The following ROR2 variants were observed in gnomAD, a reference collection of about 807,000 sequenced individuals.
ROR2 encodes ROR family WNT receptor 2, also known as tyrosine-protein kinase transmembrane receptor ROR2.
In ROR2, 33 loss-of-function variants were observed where a neutral mutation model predicts 74.9. The ratio of observed to expected loss-of-function variants is 0.44; its 90% confidence interval spans 0.33 to 0.59. The LOEUF (loss-of-function observed/expected upper bound fraction) is 0.59. Ranked by LOEUF, ROR2 falls within the 20% of genes least tolerant of loss-of-function variation. The pLI is 0.02. For synonymous variants in ROR2, 586 were observed against 558.7 expected (o/e 1.05, Z -0.69); for missense variants, 1,216 against 1,313.8 (o/e 0.93, Z 1.15).
chr9:91,768,043 G>A (rs894805239), intron 2 of ROR2, among the ~76,000 whole-genome samples: 8 of 152,188 alleles, frequency 5.3e-5, no homozygotes, highest in Admixed American at 2.6e-4. Flanking sequence ...CGGACCTAGA[G>A]GGAAGAAAGA....
rs1481846800 is a variant in ROR2, at chr9:91,905,572, C to T, written c.97+44295G>A. ...ACAATACAACACATACACAAACATA[C>T]AACACATACACAAACATCACACATG... On this transcript the variant is annotated intron_variant, in intron 1 of 8. Coordinates refer to ENST00000375708, the MANE Select transcript of ROR2 (RefSeq NM_004560.4). This position sits in a 1 kb window ranked among gnomAD's most constrained non-coding sequence, Gnocchi z 5.3. 6.6e-6 allele frequency among the ~76,000 whole-genome samples: 1 copy of T among 151,710 alleles called. No individual in the cohort carries two copies. The highest frequency in any genetic ancestry group is 2.4e-5 in the African/African-American group (1 of 41,156).
intron 1 of ROR2, among the ~76,000 whole-genome samples, chr9:91,822,954 T>C (rs1214333422): frequency 6.6e-6 from 1 of 152,132 alleles, no homozygotes; most frequent in Non-Finnish European, 1.5e-5. Context: ...GTAAGAAACA[T>C]CACCGGAGGG....
At chr9:91,912,840 G>A (rs1182707588) in intron 1 of ROR2, among the ~76,000 whole-genome samples, 1 of 152,084 alleles carries the variant, frequency 6.6e-6, no homozygotes, top group African/African-American at 2.4e-5. Context: ...TACAAAATAG[G>A]CCAGCAGGCC....
rs150894232 is a variant in ROR2, at chr9:91,897,792, C to G, written c.97+52075G>C. On this transcript the variant is annotated intron_variant, in intron 1 of 8. Transcript: ENST00000375708. ...TAAGTGGGATGTCCACACCAAAGTTCCAAAGGCAGCCCAGGCCCGGTCACC... is the reference window on the plus strand; with the variant it reads ...TAAGTGGGATGTCCACACCAAAGTTGCAAAGGCAGCCCAGGCCCGGTCACC... Among the ~76,000 whole-genome samples the G allele has an allele frequency of 9.2e-5, 14 of 152,344 alleles. No homozygotes were observed. The East Asian group carries it at 1.7e-3, about 19-fold the overall frequency.
At chr9:91,906,109 G>C (rs1046230399) in intron 1 of ROR2, among the ~76,000 whole-genome samples, 1 of 152,038 alleles carries the variant, frequency 6.6e-6, no homozygotes, top group African/African-American at 2.4e-5. Flanking sequence ...CCTGAGAGGC[G>C]TCAGCGTCCC....
rs1427317572 is a variant in ROR2, at chr9:91,724,805, T to A, written c.1689A>T (p.Glu563Asp). 3 of 1,609,130 alleles carry A rather than the reference T, an allele frequency of 1.9e-6. No individual in the cohort carries two copies. Among genetic ancestry groups the A allele is most frequent in the Non-Finnish European group, 2.6e-6 (3 of 1,176,186 alleles). Residue 563 changes from glutamate (E) to aspartate (D), a missense_variant, in exon 9 of 9, where the codon GAA becomes GAT. By Grantham distance (45) the Glu-to-Asp change is conservative. Coordinates refer to ENST00000375708, the MANE Select transcript of ROR2 (RefSeq NM_004560.4). ...AGTGCGGCGAGCGCATGACCAGGAATTCGTGGAGGTCGCCGTGCGAACAGT... is the reference window on the plus strand; with the variant it reads ...AGTGCGGCGAGCGCATGACCAGGAAATCGTGGAGGTCGCCGTGCGAACAGT... ...FSYCSHGDLHEFLVMRSPHSD... is the reference protein window; with the variant it reads ...FSYCSHGDLHDFLVMRSPHSD...
chr9:91,880,060 G>C (rs1830064760), intron 1 of ROR2, among the ~76,000 whole-genome samples: 1 of 152,098 alleles, frequency 6.6e-6, no homozygotes, highest in Admixed American at 6.5e-5. Flanking sequence ...ACCTCCCATA[G>C]CTCAGAATGT....
At chr9:91,830,981 G>A (rs1356872861) in intron 1 of ROR2, among the ~76,000 whole-genome samples, 2 of 152,048 alleles carry the variant, frequency 1.3e-5, no homozygotes, top group African/African-American at 4.8e-5. Context: ...AAAATTTGTG[G>A]CTGGGTATGG....
At chr9:91,763,508 A>C (rs568251044) in intron 2 of ROR2, among the ~76,000 whole-genome samples, 3 of 152,296 alleles carry the variant, frequency 2.0e-5, no homozygotes, top group South Asian at 4.1e-4. Flanking sequence ...AATATTTGCC[A>C]ATCTGATAGG....
chr9:91,780,238 A>G (rs537073989), intron 1 of ROR2, among the ~76,000 whole-genome samples: 47 of 152,194 alleles, frequency 3.1e-4, no homozygotes, highest in Non-Finnish European at 5.7e-4. Context: ...TTAGCCGGGC[A>G]TGGTGGCAGG....
intron 1 of ROR2, among the ~76,000 whole-genome samples, chr9:91,779,811 C>G (rs777311610): frequency 1.3e-5 from 2 of 152,170 alleles, no homozygotes; most frequent in Admixed American, 6.5e-5. Context: ...ATACAGCATG[C>G]TGGCAAATAT....
chr9:91,862,423 C>G (rs750646506), intron 1 of ROR2, among the ~76,000 whole-genome samples: 1 of 152,038 alleles, frequency 6.6e-6, no homozygotes, highest in Non-Finnish European at 1.5e-5. Context: ...TTTGAGGGAC[C>G]AAGGCAGGAG....
chr9:91,831,476 C>CA (rs1828464529), intron 1 of ROR2, among the ~76,000 whole-genome samples: 1 of 151,888 alleles, frequency 6.6e-6, no homozygotes, highest in Non-Finnish European at 1.5e-5. Flanking sequence ...CATTCCCCTG[C>CA]AAAAAAGCAA....
intron 1 of ROR2, among the ~76,000 whole-genome samples, chr9:91,947,304 T>C (rs1199720031): frequency 2.6e-5 from 4 of 152,148 alleles, no homozygotes; most frequent in Admixed American, 1.3e-4. Context: ...GAGTGTCACA[T>C]AGGGTCCACG....
At chr9:91,777,045 G>A (rs1205933943) in intron 1 of ROR2, among the ~76,000 whole-genome samples, 1 of 152,110 alleles carries the variant, frequency 6.6e-6, no homozygotes, top group East Asian at 1.9e-4. Context: ...AATAAACTCA[G>A]CATGTCCAAT....
intron 2 of ROR2, among the ~76,000 whole-genome samples, chr9:91,758,292 C>T (rs1438495453): frequency 6.6e-6 from 1 of 152,204 alleles, no homozygotes; most frequent in Admixed American, 6.5e-5. Context: ...ACGGAATCTG[C>T]AAATGATGAG....
At chr9:91,785,268 T>C (rs1826759095) in intron 1 of ROR2, among the ~76,000 whole-genome samples, 3 of 152,260 alleles carry the variant, frequency 2.0e-5, no homozygotes, top group Admixed American at 2.0e-4. Context: ...TCAGGGTCCC[T>C]GTGCATATGG....
At chr9:91,932,687 G>A (rs1383184960) in intron 1 of ROR2, among the ~76,000 whole-genome samples, 1 of 151,618 alleles carries the variant, frequency 6.6e-6, no homozygotes, top group Non-Finnish European at 1.5e-5. Flanking sequence ...AGAAAGAAAA[G>A]AAAACAGAAA....
chr9:91,855,179 G>T (rs974932448), intron 1 of ROR2, among the ~76,000 whole-genome samples: 4 of 152,120 alleles, frequency 2.6e-5, no homozygotes, highest in African/African-American at 9.7e-5. Flanking sequence ...CAGGACCCAC[G>T]TTCACATTAG....
Sources: gnomAD v4.1 joint callset for allele counts (sites outside exome capture counted in the v4.1 genomes callset) on GRCh38, gnomAD v4.1.1 for gene constraint, Gnocchi (gnomAD v3.1) non-coding constraint, MANE v1.5 for transcripts, NCBI Gene and HGNC (gene_info 2026-07-23, HGNC 2026-07-21) for gene names.